LPGAT1: variants seen among roughly 807,000 people sequenced by gnomAD.
LPGAT1 encodes lysophosphatidylglycerol acyltransferase 1.
LPGAT1 carries 11 observed loss-of-function variants against 47.5 expected under a neutral mutation model. The ratio of observed to expected loss-of-function variants is 0.23; its 90% CI spans 0.15 to 0.38. The LOEUF is 0.38. Among genes scored for constraint, LPGAT1 ranks in the 10% least tolerant of loss-of-function variants. The pLI, the probability that LPGAT1 is intolerant of heterozygous loss-of-function variation, is 1.00. For missense variants in LPGAT1, 293 were observed against 439.0 expected, an observed-to-expected ratio of 0.67 and a Z score of 2.97; for synonymous variants, 138 against 144.2, an observed-to-expected ratio of 0.96 and a Z score of 0.31.
At chr1:211,752,001 A>G (rs932621106) in intron 6 of LPGAT1, among the ~76,000 whole-genome samples, 1 of 152,150 alleles carries the variant, frequency 6.6e-6, no homozygotes, top group Non-Finnish European at 1.5e-5. Flanking sequence ...TCCTATTCCC[A>G]TAACATATGC....
At chr1:211,780,989 A>C (rs1658618012) in intron 5 of LPGAT1, among the ~76,000 whole-genome samples, 1 of 152,248 alleles carries the variant, frequency 6.6e-6, no homozygotes, top group Non-Finnish European at 1.5e-5. Flanking sequence ...TAATCCTTTT[A>C]ATCAGACAGA....
At chr1:211,754,172 T>C (rs1213855368) in intron 6 of LPGAT1, among the ~76,000 whole-genome samples, 1 of 152,168 alleles carries the variant, frequency 6.6e-6, no homozygotes, top group East Asian at 1.9e-4. Flanking sequence ...CCTCCAATGT[T>C]TGCCAGGGTA....
chr1:211,774,603 A>G (rs1658319070), intron 6 of LPGAT1, among the ~76,000 whole-genome samples: 1 of 152,196 alleles, frequency 6.6e-6, no homozygotes, highest in African/African-American at 2.4e-5. Context: ...TTTGAAACAC[A>G]GCAATACTAC....
At chr1:211,802,519 GA>G (rs964180253) in intron 2 of LPGAT1, among the ~76,000 whole-genome samples, 2 of 150,586 alleles carry the variant, frequency 1.3e-5, no homozygotes, top group African/African-American at 4.9e-5. Flanking sequence ...ACAAGAATAA[GA>G]AAAAAAAGGA....
intron 2 of LPGAT1, among the ~76,000 whole-genome samples, chr1:211,797,316 T>C (rs1372299662): frequency 6.8e-5 from 10 of 147,682 alleles, no homozygotes; most frequent in South Asian, 4.3e-4. Context: ...CTTTTCTTTT[T>C]TTTTTTTTTT....
chr1:211,779,164 T>G (rs1658532191), intron 5 of LPGAT1, 120 bp from the exon 6 acceptor site: 3 of 686,902 alleles, frequency 4.4e-6, no homozygotes, highest in Non-Finnish European at 6.7e-6. Flanking sequence ...TAAGAAAAAT[T>G]CTAAGGATGA....
At chr1:211,793,229 G>T (rs765184768) in intron 2 of LPGAT1, 39 bp from the exon 3 acceptor site, 28 of 1,318,282 alleles carry the variant, frequency 2.1e-5, no homozygotes, top group Non-Finnish European at 2.9e-5. Context: ...TCATTTTAAA[G>T]ATTTTTATAT....
At chr1:211,796,893 G>A (rs773185838) in intron 2 of LPGAT1, among the ~76,000 whole-genome samples, 6 of 151,960 alleles carry the variant, frequency 3.9e-5, no homozygotes, top group Admixed American at 6.6e-5. Context: ...CTCTCAATCA[G>A]AACTTAGCCA....
At chr1:211,802,485 T>C (rs1240542901) in intron 2 of LPGAT1, among the ~76,000 whole-genome samples, 3 of 150,826 alleles carry the variant, frequency 2.0e-5, no homozygotes, top group African/African-American at 7.3e-5. Context: ...AGGTAAGAGA[T>C]GAGATGATGA....
intron 2 of LPGAT1, among the ~76,000 whole-genome samples, chr1:211,799,080 T>C (rs1198564692): frequency 1.3e-5 from 2 of 152,156 alleles, no homozygotes; most frequent in East Asian, 1.9e-4. Context: ...ACCACTGGAA[T>C]TGAAGTGCTG....
chr1:211,775,090 C>T (rs954554092), intron 6 of LPGAT1, among the ~76,000 whole-genome samples: 1 of 152,094 alleles, frequency 6.6e-6, no homozygotes, highest in African/African-American at 2.4e-5. Flanking sequence ...AGGTACAGAA[C>T]AGGTAGTGGA....
chr1:211,760,511 T>G (rs1013777194), intron 6 of LPGAT1, among the ~76,000 whole-genome samples: 2 of 152,008 alleles, frequency 1.3e-5, no homozygotes, highest in African/African-American at 4.8e-5. Flanking sequence ...TCAACATTAA[T>G]CTTCATTAAT....
rs116798983 is a variant in LPGAT1 at position 211,767,704 on chromosome 1, A to T, written c.854+11214T>A. ...GATAAGAAAAGCAGAAAAGAAGAAG[A>T]AAATTATTAGATAGCTGAAGTAGAG... is the stretch of plus-strand genomic sequence containing the variant. On this transcript the variant is annotated intron_variant, in intron 6 of 7. Transcript: ENST00000366997. Among the ~76,000 whole-genome samples the T allele has an allele frequency of 3.5e-3, 533 of 152,356 alleles. 1 individual carries two copies. Among genetic ancestry groups the T allele is most frequent in the African/African-American group, 0.011 (474 of 41,588 alleles).
At chr1:211,819,881 A>C (rs1369853679) in intron 2 of LPGAT1, among the ~76,000 whole-genome samples, 1 of 151,598 alleles carries the variant, frequency 6.6e-6, no homozygotes, top group Non-Finnish European at 1.5e-5. Flanking sequence ...GCTACTCGGG[A>C]GGCTGAGGCA....
chr1:211,828,555 CAAAAG>C (rs1660615493), intron 2 of LPGAT1, among the ~76,000 whole-genome samples: 1 of 152,060 alleles, frequency 6.6e-6, no homozygotes, highest in Non-Finnish European at 1.5e-5. Context: ...TTCTAATAAA[CAAAAG>C]AAACATACGT....
chr1:211,751,833 G>A (rs1657199213), intron 6 of LPGAT1, among the ~76,000 whole-genome samples: 1 of 152,140 alleles, frequency 6.6e-6, no homozygotes, highest in Non-Finnish European at 1.5e-5. Context: ...TATGAAAAAT[G>A]GGAGTCCTGT....
At chr1:211,753,123 T>C (rs114142469) in intron 6 of LPGAT1, among the ~76,000 whole-genome samples, 2,396 of 152,318 alleles carry the variant, frequency 0.016, 65 homozygotes, top group African/African-American at 0.054. Context: ...AGATGCTGCC[T>C]GTAGTCTCAC....
In LPGAT1 at chr1:211,747,347, A is replaced by G. The variant is rs1656984535; in HGVS notation, c.*2552T>C. The G allele has an allele frequency of 6.6e-6, 1 of 152,166 alleles. No individual in the cohort carries two copies. The highest frequency in any genetic ancestry group is 6.5e-5 in the Admixed American group (1 of 15,286). 9.4% of individuals were successfully genotyped at this position (152,166 alleles called of 1,614,324 possible). On this transcript the variant is annotated 3_prime_UTR_variant, in exon 8 of 8. Transcript: ENST00000366997. ...CAGATCAAATACACATCTATTTACA[A>G]CTCACGGAGATATTTAAAAAAATTA...
chr1:211,754,156 A>G (rs1273679511), intron 6 of LPGAT1, among the ~76,000 whole-genome samples: 1 of 152,132 alleles, frequency 6.6e-6, no homozygotes, highest in East Asian at 1.9e-4. Context: ...CCCTCTCCAG[A>G]GTAAGCCTCC....
Sources: gnomAD v4.1 joint callset for allele counts (sites outside exome capture counted in the v4.1 genomes callset) on GRCh38, gnomAD v4.1.1 for gene constraint, MANE v1.5 for transcripts, NCBI Gene and HGNC (gene_info 2026-07-23, HGNC 2026-07-21) for gene names.